CNTNAP5: variants seen among roughly 807,000 people sequenced by gnomAD.
The protein encoded by CNTNAP5 is contactin associated protein family member 5.
A neutral mutation model predicts 150.2 loss-of-function variants in CNTNAP5; 72 were observed. The ratio of observed to expected loss-of-function variants is 0.48; its 90% CI spans 0.40 to 0.58. The LOEUF is 0.58. Ranked by LOEUF, CNTNAP5 falls within the 20% of genes least tolerant of loss-of-function variation. CNTNAP5 has a pLI of 0.00. For missense variants in CNTNAP5, 1,636 were observed against 1,626.2 expected (o/e 1.01, Z -0.10); for synonymous variants, 672 against 619.8 (o/e 1.08, Z -1.25).
chr2:124,664,743 A>G lies in CNTNAP5; in HGVS notation c.2077+16785A>G, dbSNP rs116898174. Reference sequence around the variant, plus strand: ...CTCTTATCACCCAGGCTGGAGGACAATGGCGCAATCTTGTCTCACTGCAAC... The same window carrying G: ...CTCTTATCACCCAGGCTGGAGGACAGTGGCGCAATCTTGTCTCACTGCAAC... On this transcript the variant is annotated intron_variant, in intron 13 of 23. Coordinates refer to ENST00000682447, the MANE Select transcript of CNTNAP5 (RefSeq NM_001367498.1). 1.2e-4 allele frequency among the ~76,000 whole-genome samples: 18 copies of G among 152,326 alleles called. No homozygotes were observed. The East Asian group carries it at 2.5e-3, about 21-fold the overall frequency.
intron 13 of CNTNAP5, among the ~76,000 whole-genome samples, chr2:124,730,781 A>C (rs911234913): frequency 6.6e-6 from 1 of 152,122 alleles, no homozygotes; most frequent in African/African-American, 2.4e-5. Context: ...TATGGAATAG[A>C]AAATCCTCAA....
chr2:124,267,377 A>T (rs1196346609), intron 3 of CNTNAP5, among the ~76,000 whole-genome samples: 1 of 152,080 alleles, frequency 6.6e-6, no homozygotes, highest in Non-Finnish European at 1.5e-5. Context: ...TCCAAATGTA[A>T]CTCTTCTTAT....
At chr2:124,736,648 A>C (rs534856655) in intron 13 of CNTNAP5, among the ~76,000 whole-genome samples, 2 of 152,332 alleles carry the variant, frequency 1.3e-5, no homozygotes, top group African/African-American at 4.8e-5. Flanking sequence ...GATGTGACTA[A>C]AATGGAAAAA....
intron 14 of CNTNAP5, among the ~76,000 whole-genome samples, chr2:124,758,499 G>T (rs1174922607): frequency 6.6e-6 from 1 of 151,974 alleles, no homozygotes; most frequent in Non-Finnish European, 1.5e-5. Flanking sequence ...ATGTAAAATG[G>T]TGCAACAAAG....
At position 124,789,961 on chromosome 2, in the gene CNTNAP5, G is replaced by A; in HGVS notation, c.2812G>A (p.Gly938Arg). The A allele has an allele frequency of 6.2e-7, 1 of 1,613,902 alleles. No individual in the cohort carries two copies. The highest frequency in any genetic ancestry group is 2.2e-5 in the East Asian group (1 of 44,860). Residue 938 changes from glycine to arginine, a missense_variant, in exon 18 of 24, where the codon GGA (glycine) becomes AGA (arginine). Transcript: ENST00000682447. The stretch of plus-strand genomic sequence containing the variant: ...ATGCATTCGCTCCTTACACTTGAAT[G>A]GACAGAAAATGGACCTGGAAGAGAG... Reference protein sequence around the residue: ...LGCIRSLHLNGQKMDLEERAK... With the variant: ...LGCIRSLHLNRQKMDLEERAK...
chr2:124,324,147 T>A (rs931065393), intron 3 of CNTNAP5, among the ~76,000 whole-genome samples: 2 of 152,174 alleles, frequency 1.3e-5, no homozygotes, highest in Non-Finnish European at 2.9e-5. Flanking sequence ...CAGACAGAAA[T>A]AGCCCAATTC....
chr2:124,766,180 T>A (rs1017402237), intron 16 of CNTNAP5, among the ~76,000 whole-genome samples: 4 of 152,050 alleles, frequency 2.6e-5, no homozygotes, highest in African/African-American at 9.7e-5. Flanking sequence ...ATAGATGGGG[T>A]AGGCTGTACC....
intron 3 of CNTNAP5, among the ~76,000 whole-genome samples, chr2:124,383,014 G>A (rs972558906): frequency 1.1e-4 from 16 of 151,950 alleles, no homozygotes; most frequent in Admixed American, 2.6e-4. Context: ...CTACAAACCC[G>A]CTGCGAAGTT....
At chr2:124,713,327 CTTTCTTTCTTT>C (rs1558746985) in intron 13 of CNTNAP5, among the ~76,000 whole-genome samples, 1 of 67,920 alleles carries the variant, frequency 1.5e-5, no homozygotes, top group African/African-American at 5.8e-5. Flanking sequence ...TCCTTTCTTT[CTTTCTTTCTTT>C]CTTTCTTTCT....
chr2:124,323,635 C>T (rs1689150646), intron 3 of CNTNAP5, among the ~76,000 whole-genome samples: 2 of 152,134 alleles, frequency 1.3e-5, no homozygotes. Context: ...ACCCTCATAT[C>T]ACATGCAAAG....
At chr2:124,273,391 C>G (rs1187377505) in intron 3 of CNTNAP5, among the ~76,000 whole-genome samples, 1 of 152,162 alleles carries the variant, frequency 6.6e-6, no homozygotes, top group Non-Finnish European at 1.5e-5. Flanking sequence ...AGATGGACAT[C>G]CAGGTTCCCC....
intron 13 of CNTNAP5, among the ~76,000 whole-genome samples, chr2:124,745,779 C>T (rs929404252): frequency 4.6e-5 from 7 of 152,172 alleles, no homozygotes; most frequent in Non-Finnish European, 1.0e-4. Flanking sequence ...CCTCCAGGCC[C>T]TCTGCTTCAT....
At chr2:124,387,102 T>C (rs1038073952) in intron 3 of CNTNAP5, among the ~76,000 whole-genome samples, 1 of 152,164 alleles carries the variant, frequency 6.6e-6, no homozygotes, top group African/African-American at 2.4e-5. Flanking sequence ...GAAATAAATG[T>C]GTATTGTTAT....
At chr2:124,728,798 A>T (rs1680211744) in intron 13 of CNTNAP5, among the ~76,000 whole-genome samples, 1 of 152,088 alleles carries the variant, frequency 6.6e-6, no homozygotes, top group Admixed American at 6.6e-5. Context: ...ACTATTCTAA[A>T]ATCTGGCAAC....
chr2:124,864,600 G>C (rs968303576), intron 19 of CNTNAP5, among the ~76,000 whole-genome samples: 4 of 138,958 alleles, frequency 2.9e-5, no homozygotes, highest in East Asian at 2.2e-4. Context: ...CACACACACA[G>C]AATTGATACA....
chr2:124,106,603 C>T (rs1683176778), intron 1 of CNTNAP5, among the ~76,000 whole-genome samples: 1 of 152,172 alleles, frequency 6.6e-6, no homozygotes, highest in Non-Finnish European at 1.5e-5. Context: ...TACCCCTTCA[C>T]CCATTCTTTT....
At chr2:124,694,998 G>A (rs1046643644) in intron 13 of CNTNAP5, among the ~76,000 whole-genome samples, 2 of 90,678 alleles carry the variant, frequency 2.2e-5, no homozygotes, top group African/African-American at 6.6e-5. Context: ...CCTAAATTGT[G>A]TGTGTGTGTG....
At chr2:124,154,283 C>T (rs1409847828) in intron 1 of CNTNAP5, among the ~76,000 whole-genome samples, 4 of 152,140 alleles carry the variant, frequency 2.6e-5, no homozygotes, top group Middle Eastern at 3.4e-3. Context: ...AGAGCAGACC[C>T]TAAGACAGGA....
At chr2:124,228,061 G>A (rs974905512) in intron 2 of CNTNAP5, among the ~76,000 whole-genome samples, 2 of 152,084 alleles carry the variant, frequency 1.3e-5, no homozygotes, top group East Asian at 1.9e-4. Context: ...GGCTGGTGGT[G>A]TAATTCAGTC....
Sources: allele counts gnomAD v4.1 joint callset (sites outside exome capture counted in the v4.1 genomes callset), GRCh38; gene constraint gnomAD v4.1.1; transcripts MANE v1.5; gene names NCBI Gene and HGNC (gene_info 2026-07-23, HGNC 2026-07-21).